Variants in OXNAD1 observed in about 807,000 individuals in gnomAD.
OXNAD1 encodes the protein oxidoreductase NAD binding domain containing 1.
OXNAD1 carries 34 observed loss-of-function variants against 32.9 expected under a neutral mutation model. The ratio of observed to expected loss-of-function variants is 1.03; its 90% CI spans 0.79 to 1.38. The LOEUF is 1.38. Ranked by LOEUF, OXNAD1 falls within the 40% of genes most tolerant of loss-of-function variation. The pLI, the probability that OXNAD1 is intolerant of heterozygous loss-of-function variation, is 0.00. For missense variants in OXNAD1, 407 were observed against 379.4 expected (o/e 1.07, Z -0.60); for synonymous variants, 134 against 135.2 (o/e 0.99, Z 0.06).
intron 2 of OXNAD1, among the ~76,000 whole-genome samples, chr3:16,269,760 A>C (rs1421559929): frequency 6.6e-6 from 1 of 152,230 alleles, no homozygotes; most frequent in East Asian, 1.9e-4. Flanking sequence ...CTTAGCTTGA[A>C]TATTTTGCTA....
intron 4 of OXNAD1, chr3:16,276,365 T>A (rs78002147): frequency 0.02 from 4,136 of 203,668 alleles, 70 homozygotes; most frequent in Middle Eastern, 0.043. Context: ...AAGAAGGATC[T>A]TTTACTTGAT....
rs149173096 is a variant in OXNAD1 at position 16,282,882 on chromosome 3, G to A, written c.184-3460G>A. On this transcript the variant is annotated intron_variant, in intron 4 of 8. Coordinates refer to ENST00000285083, the MANE Select transcript of OXNAD1 (RefSeq NM_138381.5). ...GTAGAGAGCCGTTTAAGGTTTTTAA[G>A]CTGGAGAGTAACTCAGTGAGGTTGG... 4.2e-5 allele frequency among the ~76,000 whole-genome samples: 5 copies of A among 120,318 alleles called. No homozygotes were observed. In the East Asian group the frequency reaches 1.4e-3, roughly 34 times the overall value. The allele number at this position is 120,318 out of a possible 152,430, so 78.9% of individuals were successfully genotyped here.
At chr3:16,325,918 G>A (rs2069642562) in intron 9 of OXNAD1, among the ~76,000 whole-genome samples, 1 of 152,206 alleles carries the variant, frequency 6.6e-6, no homozygotes, top group African/African-American at 2.4e-5. Context: ...GGGCCACAGC[G>A]GGGGCATCCT....
At position 16,331,619 on chromosome 3, in the gene OXNAD1, G is replaced by A. The variant is rs149608486; in HGVS notation, c.*31-5493G>A. Among the ~76,000 whole-genome samples, 529 of 152,148 alleles carry A rather than the reference G, an allele frequency of 3.5e-3. 3 individuals carry two copies. Among genetic ancestry groups the A allele is most frequent in the Middle Eastern group, 6.8e-3 (2 of 292 alleles). ...GCAATACCCCTATTTAATGCTCATC[G>A]ATAAATATTCCAAGATCCTAAATAC... On this transcript the variant is annotated intron_variant, in intron 9 of 9. Transcript: ENST00000435829.
chr3:16,320,971 T>C lies in OXNAD1; in HGVS notation c.*31-16141T>C, dbSNP rs899511334. On this transcript the variant is annotated intron_variant, in intron 9 of 9. Coordinates refer to the OXNAD1 transcript ENST00000435829. The surrounding 1 kb of genome is among the most constrained non-coding windows in gnomAD (Gnocchi z 4.5). ...CCTATTTGAAGGGGATATCTATTAT[T>C]AGGAGATTAGAATAGCTGAGGCGAG... is the stretch of plus-strand genomic sequence containing the variant. Among the ~76,000 whole-genome samples, 1 of 152,176 alleles carries C rather than the reference T, an allele frequency of 6.6e-6. No homozygotes were observed. Among genetic ancestry groups the C allele is most frequent in the Non-Finnish European group, 1.5e-5 (1 of 68,038 alleles).
At chr3:16,281,979 T>G (rs1286007153) in intron 4 of OXNAD1, among the ~76,000 whole-genome samples, 5 of 135,428 alleles carry the variant, frequency 3.7e-5, no homozygotes, top group Non-Finnish European at 6.2e-5. Flanking sequence ...TCCTCCCACC[T>G]CAGCCTTCCG....
Position 16,303,775 on chromosome 3 carries a change from T to C in OXNAD1, c.*213T>C, listed in dbSNP as rs2067354453. The C allele has an allele frequency of 1.2e-5, 5 of 423,124 alleles. No individual in the cohort carries two copies. In the East Asian group the frequency reaches 1.9e-4, roughly 16 times the overall value. The allele number at this position is 423,124 out of a possible 1,614,324, so 26.2% of individuals were successfully genotyped here. ...TCAGTGATCAAACTATTTTTTACTA[T>C]ACTGATTTTCTGTTATTAACAACGA... On this transcript the variant is annotated 3_prime_UTR_variant, in exon 9 of 9. Transcript: ENST00000285083. This position sits in a 1 kb window ranked among gnomAD's most constrained non-coding sequence, Gnocchi z 4.8.
rs1431179592 is a variant in OXNAD1, at chr3:16,280,296, C to T, written c.184-6046C>T. 6.6e-6 allele frequency among the ~76,000 whole-genome samples: 1 copy of T among 152,012 alleles called. No individual in the cohort carries two copies. Among genetic ancestry groups the T allele is most frequent in the Admixed American group, 6.6e-5 (1 of 15,246 alleles). On this transcript the variant is annotated intron_variant, in intron 4 of 8. Coordinates refer to ENST00000285083, the MANE Select transcript of OXNAD1 (RefSeq NM_138381.5). The surrounding 1 kb of genome is among the most constrained non-coding windows in gnomAD (Gnocchi z 4.5). ...TTGAGAAGACGGAGAGGAGACCAGCCCAGGTGGACAGGTTAGCCTTTGGTA... is the reference window on the plus strand; with the variant it reads ...TTGAGAAGACGGAGAGGAGACCAGCTCAGGTGGACAGGTTAGCCTTTGGTA...
intron 9 of OXNAD1, among the ~76,000 whole-genome samples, chr3:16,333,072 C>T (rs1046711554): frequency 2.6e-5 from 4 of 152,220 alleles, no homozygotes; most frequent in African/African-American, 9.6e-5. Context: ...AGCACTATAA[C>T]TCATGCCTGA....
intron 4 of OXNAD1, among the ~76,000 whole-genome samples, chr3:16,285,817 C>T (rs1226057065): frequency 6.6e-6 from 1 of 152,174 alleles, no homozygotes; most frequent in Admixed American, 6.5e-5. Context: ...TGTTACTAGA[C>T]TCAATAGGCA....
At position 16,344,417 on chromosome 3, in the gene OXNAD1, G is replaced by A. The variant is rs933214253; in HGVS notation, c.*31-4759G>A. Among the ~76,000 whole-genome samples, 4 of 151,898 alleles carry A rather than the reference G, an allele frequency of 2.6e-5. No individual in the cohort carries two copies. Among genetic ancestry groups the A allele is most frequent in the Admixed American group, 6.6e-5 (1 of 15,240 alleles). On this transcript the variant is annotated intron_variant, in intron 9 of 9. Coordinates refer to the OXNAD1 transcript ENST00000606098. The surrounding 1 kb of genome is among the most constrained non-coding windows in gnomAD (Gnocchi z 4.4). ...CAACATGTAAAAACAGATACATTCA[G>A]AAAAGGCGGCTCTGGTTGACACTGG...
At chr3:16,350,878 A>G (rs1482775890), downstream of OXNAD1, among the ~76,000 whole-genome samples, 1 of 152,230 alleles carries the variant, frequency 6.6e-6, no homozygotes, top group Non-Finnish European at 1.5e-5. Context: ...AAAAAGCCAG[A>G]TGGTTTAAAA....
rs901250259 is a variant in OXNAD1 at position 16,329,934 on chromosome 3, G to A, written c.*31-7178G>A. Among the ~76,000 whole-genome samples the A allele has an allele frequency of 3.3e-5, 5 of 152,086 alleles. No homozygotes were observed. Among genetic ancestry groups the A allele is most frequent in the African/African-American group, 7.2e-5 (3 of 41,390 alleles). The stretch of plus-strand genomic sequence containing the variant: ...CACCCAGAGCTGCGAGACAATGAAC[G>A]ACCCCTGCTGCAGCCCGACCCGCCT... On this transcript the variant is annotated intron_variant, in intron 9 of 9. Coordinates refer to the OXNAD1 transcript ENST00000435829. This position sits in a 1 kb window ranked among gnomAD's most constrained non-coding sequence, Gnocchi z 4.5.
chr3:16,303,409 A>C lies in OXNAD1; in HGVS notation c.786A>C (p.Glu262Asp), dbSNP rs2067323301. ...INAELKPYIT[E>D]GRITEKEIRD... ...GGTGTTTATTCTGGTTTTTGGTAGA[A>C]GGAAGAATAACGGAGAAGGAGATAA... Residue 262 changes from glutamate (E) to aspartate (D), a missense_variant and splice_region_variant, in exon 9 of 9, where the codon GAA becomes GAC. By Grantham distance (45) the Glu-to-Asp change is conservative. Transcript: ENST00000285083. The surrounding 1 kb of genome is among the most constrained non-coding windows in gnomAD (Gnocchi z 4.8). 4 of 1,613,222 alleles carry C rather than the reference A, an allele frequency of 2.5e-6. No individual in the cohort carries two copies. Among genetic ancestry groups the C allele is most frequent in the Non-Finnish European group, 3.4e-6 (4 of 1,179,678 alleles).
chr3:16,312,230 C>T lies in OXNAD1; in HGVS notation c.*30+8638C>T, dbSNP rs995530778. ...CTCATTGGGTCTTGTCCTTAGATCT[C>T]ATGTCCACACACTTCCCTGTTCAAA... On this transcript the variant is annotated intron_variant, in intron 9 of 9. Coordinates refer to the OXNAD1 transcript ENST00000435829. The surrounding 1 kb of genome is among the most constrained non-coding windows in gnomAD (Gnocchi z 4.7). Among the ~76,000 whole-genome samples the T allele has an allele frequency of 6.6e-6, 1 of 152,190 alleles. No individual in the cohort carries two copies. The highest frequency in any genetic ancestry group is 2.4e-5 in the African/African-American group (1 of 41,442).
chr3:16,312,223 T>C lies in OXNAD1; in HGVS notation c.*30+8631T>C, dbSNP rs1225992995. 6.6e-6 allele frequency among the ~76,000 whole-genome samples: 1 copy of C among 152,184 alleles called. No homozygotes were observed. Among genetic ancestry groups the C allele is most frequent in the Non-Finnish European group, 1.5e-5 (1 of 68,026 alleles). On this transcript the variant is annotated intron_variant, in intron 9 of 9. Transcript: ENST00000435829. The surrounding 1 kb of genome is among the most constrained non-coding windows in gnomAD (Gnocchi z 4.7). ...CCAAAGGCTCATTGGGTCTTGTCCT[T>C]AGATCTCATGTCCACACACTTCCCT... is the stretch of plus-strand genomic sequence containing the variant.
rs1026466499 is a variant in OXNAD1 at position 16,320,598 on chromosome 3, GAGA to G, written c.*31-16509_*31-16507del. Among the ~76,000 whole-genome samples, 6 of 152,246 alleles carry G rather than the reference GAGA, an allele frequency of 3.9e-5. No individual in the cohort carries two copies. The highest frequency in any genetic ancestry group is 6.5e-5 in the Admixed American group (1 of 15,290). ...AAAAGCCCAAAGGAGAGCTCTGAAG[GAGA>G]AGAACGTGGTTCTTTTCCAGGGTAG... On this transcript the variant is annotated intron_variant, in intron 9 of 9. Coordinates refer to the OXNAD1 transcript ENST00000435829. This position sits in a 1 kb window ranked among gnomAD's most constrained non-coding sequence, Gnocchi z 4.5.
At chr3:16,319,882 TG>T (rs1328640204) in intron 9 of OXNAD1, among the ~76,000 whole-genome samples, 1 of 152,168 alleles carries the variant, frequency 6.6e-6, no homozygotes, top group Non-Finnish European at 1.5e-5. Flanking sequence ...AAGTCCAGCC[TG>T]GGGAATGGAC....
chr3:16,313,205 A>ATTTTTTTTTTTTTTTTT (rs750491540), intron 9 of OXNAD1, among the ~76,000 whole-genome samples: 1,403 of 103,538 alleles, frequency 0.014, 117 homozygotes, highest in African/African-American at 0.017. Flanking sequence ...CACCCAGCGG[A>ATTTTTTTTTTTTTTTTT]TTTTTTTTTT....
Sources: allele counts gnomAD v4.1 joint callset (sites outside exome capture counted in the v4.1 genomes callset), GRCh38; gene constraint gnomAD v4.1.1; non-coding constraint Gnocchi (gnomAD v3.1); transcripts MANE v1.5; gene names NCBI Gene and HGNC (gene_info 2026-07-23, HGNC 2026-07-21).